The following METTL25 variants were observed in gnomAD, a reference collection of about 807,000 sequenced individuals.
METTL25 encodes methyltransferase like 25, also known as probable methyltransferase-like protein 25.
A neutral mutation model predicts 71.6 loss-of-function variants in METTL25; 64 were observed. The ratio of observed to expected loss-of-function variants is 0.89; its 90% CI spans 0.73 to 1.10. METTL25 has a LOEUF of 1.10. Among genes scored for constraint, METTL25 ranks in the 50% least tolerant of loss-of-function variants. The probability of loss-of-function intolerance (pLI) is 0.00; values close to 1 mark genes in which losing one functional copy is unlikely to be tolerated. For synonymous variants in METTL25, 287 were observed against 250.3 expected, an observed-to-expected ratio of 1.15 and a Z score of -1.38; for missense variants, 807 against 707.0, an observed-to-expected ratio of 1.14 and a Z score of -1.60.
At chr12:82,424,850 G>A (rs780933881) in intron 5 of METTL25, among the ~76,000 whole-genome samples, 7 of 151,856 alleles carry the variant, frequency 4.6e-5, no homozygotes, top group Non-Finnish European at 7.4e-5. Context: ...AAAATGACAA[G>A]GATTGCTAGT....
intron 7 of METTL25, among the ~76,000 whole-genome samples, chr12:82,436,820 A>G (rs895900669): frequency 1.3e-5 from 2 of 151,642 alleles, no homozygotes; most frequent in Admixed American, 6.6e-5. Flanking sequence ...GGCGTTTCAT[A>G]TAAAATTAAA....
intron 1 of METTL25, among the ~76,000 whole-genome samples, chr12:82,371,130 C>A (rs1883188072): frequency 6.6e-6 from 1 of 152,246 alleles, no homozygotes; most frequent in Non-Finnish European, 1.5e-5. Context: ...CAGGATTCCT[C>A]AGGTGGTAAC....
At chr12:82,472,173 A>G (rs1892608564) in intron 9 of METTL25, among the ~76,000 whole-genome samples, 1 of 152,210 alleles carries the variant, frequency 6.6e-6, no homozygotes, top group Non-Finnish European at 1.5e-5. Flanking sequence ...AGCAGAGCCA[A>G]TTGTTCACTT....
intron 1 of METTL25, among the ~76,000 whole-genome samples, chr12:82,377,734 A>G (rs908120286): frequency 6.6e-6 from 1 of 152,202 alleles, no homozygotes; most frequent in Non-Finnish European, 1.5e-5. Flanking sequence ...ATTGTGTGAG[A>G]TGAAGGGTAA....
chr12:82,367,939 T>G (rs1158485430), intron 1 of METTL25, among the ~76,000 whole-genome samples: 1 of 152,198 alleles, frequency 6.6e-6, no homozygotes, highest in Non-Finnish European at 1.5e-5. Flanking sequence ...TTAGTTAAGC[T>G]TTTGCAGCTC....
chr12:82,456,801 T>C lies in METTL25; in HGVS notation c.1553T>C (p.Leu518Pro), dbSNP rs890075146. 1.3e-6 allele frequency: 2 copies of C among 1,592,712 alleles called. No homozygotes were observed. The highest frequency in any genetic ancestry group is 1.7e-6 in the Non-Finnish European group (2 of 1,165,984). Residue 518 changes from leucine (L) to proline (P), a missense_variant, in exon 9 of 12, where the codon CTT becomes CCT. Leu to Pro is a moderately conservative substitution (Grantham distance 98, BLOSUM62 -3). Coordinates refer to ENST00000248306, the MANE Select transcript of METTL25 (RefSeq NM_032230.3). ...TATGTCAGACGGTCTCTAAAGAAGC[T>C]TGGATTAGATGAGTCCAAGGTCAGT... is the stretch of plus-strand genomic sequence containing the variant. ...LDYVRRSLKK[L>P]GLDESKLPEK... is the part of the protein sequence containing the mutation.
intron 4 of METTL25, among the ~76,000 whole-genome samples, chr12:82,399,882 A>G (rs1182941770): frequency 6.6e-6 from 1 of 151,934 alleles, no homozygotes; most frequent in Non-Finnish European, 1.5e-5. Context: ...TCTTAAAGGC[A>G]ATGTTGCATG....
chr12:82,456,308 G>T (rs1182074854), intron 8 of METTL25, among the ~76,000 whole-genome samples: 2 of 151,846 alleles, frequency 1.3e-5, no homozygotes, highest in Non-Finnish European at 3.0e-5. Flanking sequence ...TTGATCAATG[G>T]CTGGAATTGA....
At chr12:82,379,012 A>G (rs1884164936) in intron 1 of METTL25, among the ~76,000 whole-genome samples, 1 of 152,220 alleles carries the variant, frequency 6.6e-6, no homozygotes, top group Non-Finnish European at 1.5e-5. Flanking sequence ...AGCCTGGGCA[A>G]CAGAGTGAGA....
chr12:82,367,097 C>T (rs1411540326), intron 1 of METTL25, among the ~76,000 whole-genome samples: 1 of 152,124 alleles, frequency 6.6e-6, no homozygotes, highest in Non-Finnish European at 1.5e-5. Context: ...AATGGTACCT[C>T]CTCCACTACT....
intron 6 of METTL25, 109 bp from the exon 7 acceptor site, chr12:82,434,586 A>C: frequency 1.2e-6 from 1 of 845,144 alleles, no homozygotes; most frequent in Non-Finnish European, 2.0e-6. Context: ...ACATATTATC[A>C]CATAATTAAT....
chr12:82,439,610 G>A (rs2137187003), intron 8 of METTL25, among the ~76,000 whole-genome samples: 1 of 151,860 alleles, frequency 6.6e-6, no homozygotes, highest in Non-Finnish European at 1.5e-5. Context: ...CTACATACAA[G>A]TACCTACACA....
chr12:82,377,128 A>G (rs1883955408), intron 1 of METTL25, among the ~76,000 whole-genome samples: 1 of 152,146 alleles, frequency 6.6e-6, no homozygotes, highest in South Asian at 2.1e-4. Context: ...AAAAAAAGAA[A>G]GAAAGAAAAT....
At chr12:82,457,959 T>C (rs1565880564) in intron 9 of METTL25, among the ~76,000 whole-genome samples, 1 of 152,146 alleles carries the variant, frequency 6.6e-6, no homozygotes, top group South Asian at 2.1e-4. Flanking sequence ...TGCAAACCTT[T>C]AGTGCATATC....
intron 1 of METTL25, among the ~76,000 whole-genome samples, chr12:82,385,278 G>A (rs940770059): frequency 1.3e-5 from 2 of 151,718 alleles, no homozygotes; most frequent in Admixed American, 6.6e-5. Flanking sequence ...TACTTATCTT[G>A]CTTTAAGTTT....
At position 82,386,429 on chromosome 12, in the gene METTL25, T is replaced by TCGTC. The variant is rs1379634384; in HGVS notation, c.260-373_260-372insGTCC. On this transcript the variant is annotated intron_variant, in intron 1 of 11. Coordinates refer to ENST00000248306, the MANE Select transcript of METTL25 (RefSeq NM_032230.3). ...TTTTAACCAACCTACCTTCCTTCCTTCCTCCCTCCCTCCCTCCCTCCCTCC... is the reference window on the plus strand; with the variant it reads ...TTTTAACCAACCTACCTTCCTTCCTTCGTCCCTCCCTCCCTCCCTCCCTCCCTCC... 2.1e-3 allele frequency among the ~76,000 whole-genome samples: 296 copies of TCGTC among 143,518 alleles called. 2 individuals carry two copies. The highest frequency in any genetic ancestry group is 7.4e-3 in the African/African-American group (282 of 38,166). The allele number at this position is 143,518 out of a possible 152,430, so 94.2% of individuals were successfully genotyped here. A position where few individuals can be genotyped will look rare whatever the true frequency, so the allele number is the denominator to read the frequency against.
intron 5 of METTL25, among the ~76,000 whole-genome samples, chr12:82,418,872 G>T (rs942905543): frequency 1.3e-5 from 2 of 152,094 alleles, no homozygotes; most frequent in African/African-American, 4.8e-5. Context: ...TTTTATGTGG[G>T]TATGTGATTG....
intron 9 of METTL25, among the ~76,000 whole-genome samples, chr12:82,467,183 C>A (rs975787057): frequency 1.3e-5 from 2 of 151,522 alleles, no homozygotes; most frequent in Admixed American, 6.6e-5. Flanking sequence ...AGAATGTAGA[C>A]CATTTACATT....
At chr12:82,455,374 A>G (rs1891418506) in intron 8 of METTL25, among the ~76,000 whole-genome samples, 1 of 151,888 alleles carries the variant, frequency 6.6e-6, no homozygotes, top group Non-Finnish European at 1.5e-5. Context: ...TGAGAATGAT[A>G]CAGAAACCTA....
Sources: allele counts gnomAD v4.1 joint callset (sites outside exome capture counted in the v4.1 genomes callset), GRCh38; gene constraint gnomAD v4.1.1; transcripts MANE v1.5; gene names NCBI Gene and HGNC (gene_info 2026-07-23, HGNC 2026-07-21).